The following TRAPPC3 variants were observed in gnomAD, a reference collection of about 807,000 sequenced individuals.
The protein encoded by TRAPPC3 is trafficking protein particle complex subunit 3.
In TRAPPC3, 5 loss-of-function variants were observed where a neutral mutation model predicts 18.2. The observed-to-expected ratio is 0.28, with a 90% confidence interval of 0.14 to 0.58. The LOEUF (loss-of-function observed/expected upper bound fraction) is 0.58. Among genes scored for constraint, TRAPPC3 ranks in the 20% least tolerant of loss-of-function variants. The pLI, the probability that TRAPPC3 is intolerant of heterozygous loss-of-function variation, is 0.91. For missense variants in TRAPPC3, 176 were observed against 225.9 expected, an observed-to-expected ratio of 0.78 and a Z score of 1.41; for synonymous variants, 65 against 84.2, an observed-to-expected ratio of 0.77 and a Z score of 1.25.
intron 1 of TRAPPC3, 92 bp downstream of exon 1, chr1:36,149,245 C>T (rs1306297652): frequency 1.8e-5 from 28 of 1,577,638 alleles, no homozygotes; most frequent in Non-Finnish European, 2.4e-5. Context: ...CAGGAAGGCC[C>T]TTTTCCAAAC....
At chr1:36,153,770 C>T (rs1006009257), upstream of TRAPPC3, among the ~76,000 whole-genome samples, 4 of 152,156 alleles carry the variant, frequency 2.6e-5, no homozygotes, top group Non-Finnish European at 1.5e-5. Flanking sequence ...CTGATGTAGG[C>T]TAATACCAGG....
At chr1:36,152,146 G>A (rs142961468), upstream of TRAPPC3, among the ~76,000 whole-genome samples, 87 of 152,274 alleles carry the variant, frequency 5.7e-4, no homozygotes, top group African/African-American at 2.0e-3. Flanking sequence ...TCAGTTCTGA[G>A]AGATTTGTTA....
intron 1 of TRAPPC3, among the ~76,000 whole-genome samples, chr1:36,142,800 C>T (rs1394021056): frequency 2.0e-5 from 3 of 152,110 alleles, no homozygotes; most frequent in Admixed American, 6.6e-5. Context: ...GAGGCTGAGG[C>T]AGAAGGATCA....
Position 36,154,586 on chromosome 1 carries a change from A to G in TRAPPC3, c.-97+1297T>C, listed in dbSNP as rs542099640. On this transcript the variant is annotated intron_variant, in intron 1 of 4. Transcript: ENST00000617904. The stretch of plus-strand genomic sequence containing the variant: ...CCCGCAGTCCCCCCACCCTGCAGAT[A>G]AGATGACTGACACAAAGATGGGGGA... 3.3e-3 allele frequency among the ~76,000 whole-genome samples: 503 copies of G among 152,270 alleles called. 3 individuals carry two copies. Among genetic ancestry groups the G allele is most frequent in the African/African-American group, 0.012 (480 of 41,544 alleles).
intron 1 of TRAPPC3, among the ~76,000 whole-genome samples, chr1:36,144,059 G>T (rs573018975): frequency 6.6e-6 from 1 of 151,048 alleles, no homozygotes; most frequent in African/African-American, 2.4e-5. Flanking sequence ...AGGCCGAGGC[G>T]GGCGGATCAC....
chr1:36,147,466 A>AC (rs1644218215), intron 1 of TRAPPC3, among the ~76,000 whole-genome samples: 1 of 130,784 alleles, frequency 7.6e-6, no homozygotes, highest in East Asian at 2.2e-4. Flanking sequence ...ACACAGGGAG[A>AC]CCCCTAGCTC....
chr1:36,143,451 G>C (rs150743167), intron 1 of TRAPPC3, among the ~76,000 whole-genome samples: 1 of 152,310 alleles, frequency 6.6e-6, no homozygotes, highest in East Asian at 1.9e-4. Flanking sequence ...GAGTAAGCAA[G>C]AGAGAACAGA....
intron 1 of TRAPPC3, chr1:36,149,070 G>C: frequency 7.2e-7 from 1 of 1,382,906 alleles, no homozygotes; most frequent in Non-Finnish European, 9.4e-7. Context: ...GAAGTTAAGT[G>C]GCAGTTATTG....
chr1:36,138,288 T>TGGAAG, intron 3 of TRAPPC3: 1 of 1,533,060 alleles, frequency 6.5e-7, no homozygotes, highest in Non-Finnish European at 8.7e-7. Flanking sequence ...TACTTCTCAG[T>TGGAAG]GGAAGGGAGC....
upstream of TRAPPC3, among the ~76,000 whole-genome samples, chr1:36,150,103 CT>C (rs1445731272): frequency 5.3e-5 from 8 of 152,186 alleles, no homozygotes; most frequent in African/African-American, 1.9e-4. Context: ...CTCCCTCCCC[CT>C]AGAACAGCTA....
chr1:36,148,184 G>C (rs1381454037), intron 1 of TRAPPC3, among the ~76,000 whole-genome samples: 1 of 152,198 alleles, frequency 6.6e-6, no homozygotes, highest in Non-Finnish European at 1.5e-5. Flanking sequence ...CTTTTGGCCG[G>C]GTGTGGTGGC....
rs2124134285 is a variant in TRAPPC3, at chr1:36,136,725, C to CT, written c.*477dup. 6.5e-6 allele frequency: 1 copy of CT among 152,868 alleles called. No homozygotes were observed. Among genetic ancestry groups the CT allele is most frequent in the Non-Finnish European group, 1.5e-5 (1 of 68,140 alleles). The allele number at this position is 152,868 out of a possible 1,614,324, so 9.5% of individuals were successfully genotyped here. A position where few individuals can be genotyped will look rare whatever the true frequency, so the allele number is the denominator to read the frequency against. ...TCAGTGTTTCCGGCATGACTGGCTC[C>CT]TTTCCTGGCAAACACTACAATGTGT... On this transcript the variant is annotated 3_prime_UTR_variant, in exon 5 of 5. Transcript: ENST00000373166.
chr1:36,146,728 C>T (rs1404749967), intron 1 of TRAPPC3, among the ~76,000 whole-genome samples: 1 of 151,314 alleles, frequency 6.6e-6, no homozygotes, highest in Non-Finnish European at 1.5e-5. Context: ...GTATGGCAAA[C>T]ATTTCTTTTT....
At chr1:36,153,474 G>A (rs60535047), upstream of TRAPPC3, among the ~76,000 whole-genome samples, 15,418 of 152,184 alleles carry the variant, frequency 0.1, 1,863 homozygotes, top group East Asian at 0.48. Context: ...TGTCGTTTAA[G>A]CTGCCTAACT....
At position 36,138,113 on chromosome 1, in the gene TRAPPC3, T is replaced by C. The variant is rs1016689681; in HGVS notation, c.241-135A>G. The stretch of plus-strand genomic sequence containing the variant: ...GGCCTCTGCAAGATGACACTTCAGA[T>C]ACTCAGGACAACAAAGGAGAAGCAT... On this transcript the variant is annotated intron_variant, in intron 3 of 4. Coordinates refer to ENST00000373166, the MANE Select transcript of TRAPPC3 (RefSeq NM_014408.5). The C allele has an allele frequency of 2.6e-6, 4 of 1,561,330 alleles. No homozygotes were observed. The African/African-American group carries it at 5.5e-5, about 21-fold the overall frequency.
intron 3 of TRAPPC3, chr1:36,139,394 G>C (rs756918214): frequency 4.4e-4 from 92 of 207,204 alleles, no homozygotes; most frequent in Non-Finnish European, 4.7e-4. Flanking sequence ...CTGATCTTGT[G>C]TTCCACCCGC....
chr1:36,137,672 C>T (rs1644045006), intron 4 of TRAPPC3, 124 bp downstream of exon 4: 2 of 995,618 alleles, frequency 2.0e-6, no homozygotes, highest in African/African-American at 3.3e-5. Context: ...GCAGCATCAC[C>T]ATCTCAGGCA....
chr1:36,144,393 C>T (rs1461113168), intron 1 of TRAPPC3, among the ~76,000 whole-genome samples: 1 of 150,408 alleles, frequency 6.6e-6, no homozygotes, highest in African/African-American at 2.4e-5. Flanking sequence ...GCCTATAATC[C>T]CAGCACTTTG....
upstream of TRAPPC3, among the ~76,000 whole-genome samples, chr1:36,152,295 C>CTT (rs11364641): frequency 6.6e-3 from 889 of 135,570 alleles, 6 homozygotes; most frequent in Non-Finnish European, 0.011. Context: ...ATTTCTTTTT[C>CTT]TTTTTTTTTT....
Sources: allele counts gnomAD v4.1 joint callset (sites outside exome capture counted in the v4.1 genomes callset), GRCh38; gene constraint gnomAD v4.1.1; transcripts MANE v1.5; gene names NCBI Gene and HGNC (gene_info 2026-07-23, HGNC 2026-07-21).